Variants in PAPPA observed in about 807,000 individuals in gnomAD.
PAPPA encodes the protein pappalysin 1.
PAPPA carries 60 observed loss-of-function variants against 164.0 expected under a neutral mutation model. The ratio of observed to expected loss-of-function variants is 0.37; its 90% CI spans 0.30 to 0.45. The LOEUF (loss-of-function observed/expected upper bound fraction) is 0.45, where lower values mean the gene tolerates loss of function less well. PAPPA is among the 20% of genes least tolerant of loss of function. The pLI is 1.00. For missense variants in PAPPA, 1,782 were observed against 2,087.3 expected (o/e 0.85, Z 2.85); for synonymous variants, 875 against 814.1 (o/e 1.07, Z -1.27).
intron 1 of PAPPA, among the ~76,000 whole-genome samples, chr9:116,155,272 C>G (rs867808363): frequency 6.6e-6 from 1 of 152,202 alleles, no homozygotes; most frequent in Non-Finnish European, 1.5e-5. Context: ...GCGCTTTTCT[C>G]ATATGGGACT....
At chr9:116,287,959 G>A (rs776872356) in intron 9 of PAPPA, among the ~76,000 whole-genome samples, 1 of 152,182 alleles carries the variant, frequency 6.6e-6, no homozygotes, top group Non-Finnish European at 1.5e-5. Context: ...TGACTTCAGA[G>A]TGACTGCTTC....
At chr9:116,388,965 C>T (rs1846853224) in intron 21 of PAPPA, among the ~76,000 whole-genome samples, 1 of 152,092 alleles carries the variant, frequency 6.6e-6, no homozygotes, top group Non-Finnish European at 1.5e-5. Context: ...TCTAAGAAGG[C>T]TAGTGATTCT....
At chr9:116,224,892 T>C (rs941723174) in intron 5 of PAPPA, among the ~76,000 whole-genome samples, 3 of 149,156 alleles carry the variant, frequency 2.0e-5, no homozygotes, top group African/African-American at 5.2e-5. Flanking sequence ...TTGTGTATGT[T>C]TGTGTGTGTT....
intron 21 of PAPPA, among the ~76,000 whole-genome samples, chr9:116,390,886 G>A (rs1231004926): frequency 6.6e-6 from 1 of 151,968 alleles, no homozygotes; most frequent in Non-Finnish European, 1.5e-5. Context: ...ATCACCACTA[G>A]CATCATCATT....
intron 13 of PAPPA, among the ~76,000 whole-genome samples, chr9:116,340,593 C>T (rs1846123940): frequency 6.6e-6 from 1 of 152,146 alleles, no homozygotes; most frequent in Admixed American, 6.5e-5. Context: ...TCCCTTATCC[C>T]TTTTCTTCCT....
At chr9:116,174,191 G>A (rs1355019777) in intron 1 of PAPPA, among the ~76,000 whole-genome samples, 1 of 152,204 alleles carries the variant, frequency 6.6e-6, no homozygotes, top group East Asian at 1.9e-4. Context: ...CACTCGGTAA[G>A]CATCAGCTGT....
intron 13 of PAPPA, among the ~76,000 whole-genome samples, chr9:116,342,226 C>T (rs751240967): frequency 5.3e-5 from 8 of 152,080 alleles, no homozygotes; most frequent in Non-Finnish European, 1.0e-4. Context: ...TGGTTCCTTC[C>T]CCTGGTGCTT....
chr9:116,274,078 T>C (rs1276194156), intron 9 of PAPPA, among the ~76,000 whole-genome samples: 2 of 126,826 alleles, frequency 1.6e-5, no homozygotes, highest in East Asian at 3.2e-4. Flanking sequence ...TGTGGTAAGC[T>C]ACCTGCAAAA....
At chr9:116,300,529 C>T (rs1845568002) in intron 9 of PAPPA, among the ~76,000 whole-genome samples, 1 of 152,072 alleles carries the variant, frequency 6.6e-6, no homozygotes, top group African/African-American at 2.4e-5. Flanking sequence ...CCTTGGCTCT[C>T]CCCAAAGTGC....
chr9:116,335,111 G>T (rs372159977), intron 13 of PAPPA, 37 bp downstream of exon 13: 15 of 1,522,384 alleles, frequency 9.9e-6, no homozygotes, highest in Non-Finnish European at 1.4e-5. Context: ...TAGGCCACTT[G>T]TAGCCGAGTG....
intron 1 of PAPPA, among the ~76,000 whole-genome samples, chr9:116,158,517 A>C (rs944632620): frequency 2.0e-5 from 3 of 152,182 alleles, no homozygotes; most frequent in African/African-American, 4.8e-5. Flanking sequence ...CACCTTCCTC[A>C]TGTACAGAGT....
chr9:116,275,592 T>C (rs1845186952), intron 9 of PAPPA, among the ~76,000 whole-genome samples: 1 of 152,170 alleles, frequency 6.6e-6, no homozygotes. Context: ...TTCCTTCCAC[T>C]GTTCTTTCTT....
In PAPPA at chr9:116,401,506, C is replaced by T. The variant is rs1307728112; in HGVS notation, c.*4890C>T. ...GTCTCTATAATCAATAACCTGTCTG[C>T]AGATATCTATCTATATAAAGATATT... On this transcript the variant is annotated 3_prime_UTR_variant, in exon 22 of 22. Coordinates refer to ENST00000328252, the MANE Select transcript of PAPPA (RefSeq NM_002581.5). 2 of 151,580 alleles carry T rather than the reference C, an allele frequency of 1.3e-5. No individual in the cohort carries two copies. Among genetic ancestry groups the T allele is most frequent in the Non-Finnish European group, 2.9e-5 (2 of 67,834 alleles). The allele number at this position is 151,580 out of a possible 1,614,324, so 9.4% of individuals were successfully genotyped here. A position where few individuals can be genotyped will look rare whatever the true frequency, so the allele number is the denominator to read the frequency against.
Position 116,188,217 on chromosome 9 carries a change from G to A in PAPPA, c.1478+1G>A. 1 of 1,599,804 alleles carries A rather than the reference G, an allele frequency of 6.3e-7. No homozygotes were observed. The highest frequency in any genetic ancestry group is 8.6e-7 in the Non-Finnish European group (1 of 1,168,530). ...GCTTTGACCCCGACTCTCCACACAGGTAAGACCTTACTGGGCTAAAGATGC... is the reference window on the plus strand; with the variant it reads ...GCTTTGACCCCGACTCTCCACACAGATAAGACCTTACTGGGCTAAAGATGC... On this transcript the variant is annotated splice_donor_variant, in intron 2 of 21. Transcript: ENST00000328252. LOFTEE classifies it high-confidence loss of function.
chr9:116,199,571 C>G (rs1158647837), intron 2 of PAPPA, among the ~76,000 whole-genome samples: 1 of 152,106 alleles, frequency 6.6e-6, no homozygotes, highest in Non-Finnish European at 1.5e-5. Context: ...AAATGTAAAC[C>G]AGATCATTTT....
At chr9:116,295,652 T>A (rs924339114) in intron 9 of PAPPA, among the ~76,000 whole-genome samples, 8 of 152,184 alleles carry the variant, frequency 5.3e-5, no homozygotes, top group Admixed American at 3.9e-4. Context: ...CAATCTTTTT[T>A]AAATCTAGCT....
At chr9:116,188,852 A>G (rs1489757795) in intron 2 of PAPPA, among the ~76,000 whole-genome samples, 1 of 152,194 alleles carries the variant, frequency 6.6e-6, no homozygotes, top group East Asian at 1.9e-4. Context: ...CATCTGTAAA[A>G]TGGGGAGAAT....
At chr9:116,278,323 A>T (rs1487931194) in intron 9 of PAPPA, among the ~76,000 whole-genome samples, 2 of 152,246 alleles carry the variant, frequency 1.3e-5, no homozygotes, top group African/African-American at 4.8e-5. Flanking sequence ...ATCCAAAGTC[A>T]TATAGCCAGG....
At chr9:116,311,719 A>G (rs1350052902) in intron 10 of PAPPA, among the ~76,000 whole-genome samples, 2 of 152,200 alleles carry the variant, frequency 1.3e-5, no homozygotes, top group Non-Finnish European at 2.9e-5. Flanking sequence ...GGATCCAATG[A>G]GCTAACATAT....
Sources: gnomAD v4.1 joint callset for allele counts (sites outside exome capture counted in the v4.1 genomes callset) on GRCh38, gnomAD v4.1.1 for gene constraint, MANE v1.5 for transcripts, NCBI Gene and HGNC (gene_info 2026-07-23, HGNC 2026-07-21) for gene names.